Variants in RAD51B observed in about 807,000 individuals in gnomAD.
The protein encoded by RAD51B is RAD51 paralog B.
Under a neutral mutation model 42.2 loss-of-function variants are expected in RAD51B, and 38 were observed. The ratio of observed to expected loss-of-function variants is 0.90; its 90% CI spans 0.70 to 1.18. RAD51B has a LOEUF of 1.18. RAD51B is among the 50% of genes most tolerant of loss of function. RAD51B has a pLI of 0.00. For synonymous variants in RAD51B, 154 were observed against 145.2 expected (o/e 1.06, Z -0.43); for missense variants, 373 against 400.7 (o/e 0.93, Z 0.59).
At chr14:68,648,714 C>CAG (rs1555434206) in intron 10 of RAD51B, among the ~76,000 whole-genome samples, 84 of 139,850 alleles carry the variant, frequency 6.0e-4, no homozygotes, top group African/African-American at 2.2e-3. Context: ...CACACACACA[C>CAG]AGGGAAAAAC....
chr14:67,950,706 C>G (rs922629478), intron 7 of RAD51B, among the ~76,000 whole-genome samples: 2 of 152,200 alleles, frequency 1.3e-5, no homozygotes. Context: ...ACGTCTTCCT[C>G]ATTAATCTTA....
intron 10 of RAD51B, among the ~76,000 whole-genome samples, chr14:68,516,065 G>C (rs1480193508): frequency 6.6e-6 from 1 of 152,082 alleles, no homozygotes; most frequent in Non-Finnish European, 1.5e-5. Flanking sequence ...GATTACGGGC[G>C]TGAGCCACCA....
chr14:68,390,509 C>G (rs2083715197), intron 8 of RAD51B, among the ~76,000 whole-genome samples: 1 of 152,134 alleles, frequency 6.6e-6, no homozygotes, highest in Non-Finnish European at 1.5e-5. Flanking sequence ...AGTAAATATT[C>G]CTATTAGTCA....
chr14:68,392,991 G>A (rs2083802633), intron 8 of RAD51B, among the ~76,000 whole-genome samples: 1 of 152,198 alleles, frequency 6.6e-6, no homozygotes, highest in Non-Finnish European at 1.5e-5. Context: ...TGCTTTGCTG[G>A]CTTCAGCGAG....
Position 68,060,885 on chromosome 14 carries a change from A to G in RAD51B, c.756+173681A>G, listed in dbSNP as rs552479148. ...TGCCTTTGTCAAAAATTAGTTGGCT[A>G]TAAATATGTGGATTTATTTCTGGGT... On this transcript the variant is annotated intron_variant, in intron 7 of 10. Transcript: ENST00000471583. Among the ~76,000 whole-genome samples, 6 of 152,214 alleles carry G rather than the reference A, an allele frequency of 3.9e-5. No homozygotes were observed. In the South Asian group the frequency reaches 1.2e-3, roughly 32 times the overall value.
chr14:68,602,960 T>C (rs923184524), intron 10 of RAD51B, among the ~76,000 whole-genome samples: 1 of 152,148 alleles, frequency 6.6e-6, no homozygotes, highest in East Asian at 1.9e-4. Context: ...TAGGGACAGG[T>C]ACATATTTGT....
intron 7 of RAD51B, among the ~76,000 whole-genome samples, chr14:68,126,036 C>T (rs1485828521): frequency 6.6e-6 from 1 of 152,200 alleles, no homozygotes; most frequent in Non-Finnish European, 1.5e-5. Flanking sequence ...TGGGCACTCT[C>T]ATTAATCCTG....
At chr14:68,448,470 G>C (rs60145217) in intron 9 of RAD51B, among the ~76,000 whole-genome samples, 19,953 of 152,170 alleles carry the variant, frequency 0.13, 3,302 homozygotes, top group African/African-American at 0.39. Flanking sequence ...CTTCTTATGG[G>C]CAGGGACCTC....
intron 10 of RAD51B, among the ~76,000 whole-genome samples, chr14:68,604,780 G>A (rs1356015723): frequency 2.6e-5 from 4 of 152,176 alleles, no homozygotes; most frequent in African/African-American, 9.7e-5. Context: ...CGCTGCTCTG[G>A]TCTCATGTAC....
chr14:68,316,497 G>C (rs190871762), intron 8 of RAD51B, among the ~76,000 whole-genome samples: 3 of 152,314 alleles, frequency 2.0e-5, no homozygotes, highest in African/African-American at 7.2e-5. Flanking sequence ...GCAACATTAG[G>C]TAGAAGAAAT....
intron 10 of RAD51B, among the ~76,000 whole-genome samples, chr14:68,624,252 T>C (rs1445645331): frequency 6.6e-6 from 1 of 152,222 alleles, no homozygotes; most frequent in African/African-American, 2.4e-5. Flanking sequence ...CCGATCACTT[T>C]ACATTGTGGG....
intron 7 of RAD51B, among the ~76,000 whole-genome samples, chr14:68,004,659 A>G (rs539407798): frequency 7.6e-4 from 115 of 152,284 alleles, no homozygotes; most frequent in African/African-American, 2.7e-3. Context: ...CTGTAGCTCA[A>G]TGAATTTTCA....
At position 67,925,864 on chromosome 14, in the gene RAD51B, G is replaced by A. The variant is rs371215229; in HGVS notation, c.756+38660G>A. Among the ~76,000 whole-genome samples, 12 of 152,312 alleles carry A rather than the reference G, an allele frequency of 7.9e-5. No homozygotes were observed. In the East Asian group the frequency reaches 1.7e-3, roughly 22 times the overall value. On this transcript the variant is annotated intron_variant, in intron 7 of 10. Transcript: ENST00000471583. ...CCAAGGCTTGCGGCTTGCACCCTCTGAAGCCTTGGCTTGATCTCTCATTGG... is the reference window on the plus strand; with the variant it reads ...CCAAGGCTTGCGGCTTGCACCCTCTAAAGCCTTGGCTTGATCTCTCATTGG...
At chr14:68,145,594 T>C (rs924779233) in intron 7 of RAD51B, among the ~76,000 whole-genome samples, 1 of 152,210 alleles carries the variant, frequency 6.6e-6, no homozygotes, top group East Asian at 1.9e-4. Context: ...GGTATTTCAT[T>C]ATTGGGTATT....
At chr14:67,931,365 A>G (rs2044726823) in intron 7 of RAD51B, among the ~76,000 whole-genome samples, 1 of 151,222 alleles carries the variant, frequency 6.6e-6, no homozygotes, top group Non-Finnish European at 1.5e-5. Context: ...TTTCTTTTTT[A>G]TTCTATCACT....
At chr14:68,428,477 A>G (rs2084906578) in intron 9 of RAD51B, among the ~76,000 whole-genome samples, 1 of 151,970 alleles carries the variant, frequency 6.6e-6, no homozygotes, top group Non-Finnish European at 1.5e-5. Context: ...TCTGGAACTT[A>G]TTCGCATTGC....
At chr14:68,653,296 C>T (rs553963094) in intron 11 of RAD51B, among the ~76,000 whole-genome samples, 2 of 152,298 alleles carry the variant, frequency 1.3e-5, no homozygotes, top group East Asian at 1.9e-4. Flanking sequence ...GAGACTGTAG[C>T]GTACTATGAG....
chr14:67,963,196 A>T lies in RAD51B; in HGVS notation c.756+75992A>T, dbSNP rs1048637505. ...ATACATTTATTTCTGTCCATCCATT[A>T]TCTATGTGTATATGTGTATCCATGT... is the stretch of plus-strand genomic sequence containing the variant. On this transcript the variant is annotated intron_variant, in intron 7 of 10. Transcript: ENST00000471583. Among the ~76,000 whole-genome samples, 122 of 151,938 alleles carry T rather than the reference A, an allele frequency of 8.0e-4. 1 individual carries two copies. Among genetic ancestry groups the T allele is most frequent in the African/African-American group, 2.9e-3 (121 of 41,476 alleles).
At chr14:68,433,515 A>G (rs560105397) in intron 9 of RAD51B, among the ~76,000 whole-genome samples, 2 of 152,250 alleles carry the variant, frequency 1.3e-5, no homozygotes, top group African/African-American at 2.4e-5. Context: ...AATCGCTGAT[A>G]CCCTTTCTTC....
Sources: allele counts gnomAD v4.1 joint callset (sites outside exome capture counted in the v4.1 genomes callset), GRCh38; gene constraint gnomAD v4.1.1; transcripts MANE v1.5; gene names NCBI Gene and HGNC (gene_info 2026-07-23, HGNC 2026-07-21).